The following RHOBTB1 variants were observed in gnomAD, a reference collection of about 807,000 sequenced individuals.
RHOBTB1 encodes the protein Rho related BTB domain containing 1.
Under a neutral mutation model 71.6 loss-of-function variants are expected in RHOBTB1, and 40 were observed. The ratio of observed to expected loss-of-function variants is 0.56; its 90% confidence interval spans 0.43 to 0.73. The LOEUF is 0.73. Ranked by LOEUF, RHOBTB1 falls within the 30% of genes least tolerant of loss-of-function variation. The pLI, the probability that RHOBTB1 is intolerant of heterozygous loss-of-function variation, is 0.00. For synonymous variants in RHOBTB1, 319 were observed against 334.9 expected (o/e 0.95, Z 0.52); for missense variants, 797 against 894.0 (o/e 0.89, Z 1.38).
At chr10:61,001,930 G>A (rs1017348229), upstream of RHOBTB1, among the ~76,000 whole-genome samples, 63 of 152,226 alleles carry the variant, frequency 4.1e-4, no homozygotes, top group African/African-American at 1.5e-3. Context: ...AAAGTTTCTG[G>A]CGATGTCAAG....
intron 2 of RHOBTB1, among the ~76,000 whole-genome samples, chr10:60,950,500 G>T (rs2085374103): frequency 6.6e-6 from 1 of 152,064 alleles, no homozygotes; most frequent in Non-Finnish European, 1.5e-5. Context: ...AAGATTAAAG[G>T]GATCAGAGGG....
rs541293358 is a variant in RHOBTB1 at position 60,937,605 on chromosome 10, C to T, written c.-11+4199G>A. 3.9e-5 allele frequency among the ~76,000 whole-genome samples: 6 copies of T among 152,238 alleles called. No individual in the cohort carries two copies. In the South Asian group the frequency reaches 1.0e-3, roughly 26 times the overall value. ...GCAAGAGAAGCTTGGTATTCGTTTG[C>T]AGCAGAAACTAAGGCAATAAAATAA... On this transcript the variant is annotated intron_variant, in intron 2 of 10. Transcript: ENST00000337910.
At chr10:60,891,096 T>G (rs1272250577) in intron 5 of RHOBTB1, among the ~76,000 whole-genome samples, 1 of 152,156 alleles carries the variant, frequency 6.6e-6, no homozygotes, top group Non-Finnish European at 1.5e-5. Flanking sequence ...AACCTCTACA[T>G]GGCCCCTAAT....
chr10:60,886,026 C>T (rs1380622245), intron 7 of RHOBTB1, 86 bp downstream of exon 7: 18 of 945,134 alleles, frequency 1.9e-5, no homozygotes, highest in South Asian at 2.8e-5. Flanking sequence ...GGATTAAAGT[C>T]ATCTGGCTGT....
At chr10:60,924,518 G>C (rs1368388262) in intron 2 of RHOBTB1, among the ~76,000 whole-genome samples, 1 of 152,158 alleles carries the variant, frequency 6.6e-6, no homozygotes, top group Non-Finnish European at 1.5e-5. Flanking sequence ...GCTAAAGAGA[G>C]AGAGAGAGAG....
intron 2 of RHOBTB1, among the ~76,000 whole-genome samples, chr10:60,977,736 C>A (rs1395571203): frequency 2.0e-5 from 3 of 152,094 alleles, no homozygotes; most frequent in Non-Finnish European, 4.4e-5. Flanking sequence ...TGATTTAATA[C>A]CCTAACTCAG....
chr10:61,001,081 T>C (rs1044480931), intron 1 of RHOBTB1, among the ~76,000 whole-genome samples: 8 of 149,946 alleles, frequency 5.3e-5, no homozygotes, highest in East Asian at 2.0e-4. Flanking sequence ...CGCGCACGCG[T>C]GTGTGTGTGT....
intron 2 of RHOBTB1, among the ~76,000 whole-genome samples, chr10:60,935,789 T>C (rs1364261507): frequency 6.6e-6 from 1 of 152,208 alleles, no homozygotes. Flanking sequence ...CTATTTACTA[T>C]TAACTATATT....
intron 2 of RHOBTB1, among the ~76,000 whole-genome samples, chr10:60,971,604 C>T (rs777525059): frequency 2.0e-5 from 3 of 152,068 alleles, no homozygotes; most frequent in Non-Finnish European, 2.9e-5. Flanking sequence ...AGAAGAAAAC[C>T]TTGACAATAC....
At chr10:60,862,863 C>T in the RHOBTB1 span, among the ~76,000 whole-genome samples, 77 of 125,256 alleles carry the variant, frequency 6.1e-4, no homozygotes, top group South Asian at 2.0e-3. Flanking sequence ...CTCCCTCCCT[C>T]CCTTCCTTCC....
chr10:60,874,704 T>C (rs1335261493), intron 9 of RHOBTB1, among the ~76,000 whole-genome samples: 1 of 152,118 alleles, frequency 6.6e-6, no homozygotes, highest in Non-Finnish European at 1.5e-5. Flanking sequence ...TTCCTACATA[T>C]GAAGCTGGTG....
intron 2 of RHOBTB1, among the ~76,000 whole-genome samples, chr10:60,940,016 A>G (rs2084812596): frequency 6.6e-6 from 1 of 152,114 alleles, no homozygotes; most frequent in Admixed American, 6.5e-5. Flanking sequence ...ACAACTAATC[A>G]TGTTGATGAG....
chr10:60,969,593 A>G (rs1271954038), intron 2 of RHOBTB1, among the ~76,000 whole-genome samples: 1 of 152,072 alleles, frequency 6.6e-6, no homozygotes, highest in Admixed American at 6.6e-5. Flanking sequence ...GAGACAGATT[A>G]TGGCTCAATT....
rs1174103148 is a variant in RHOBTB1, at chr10:60,944,133, T to C, written c.-224A>G. On this transcript the variant is annotated 5_prime_UTR_variant, in exon 1 of 11. The change abolishes an upstream ATG in the 5' untranslated region. Transcript: ENST00000337910. The stretch of plus-strand genomic sequence containing the variant: ...CGCCCAACTTTGCACAAAGGCAGCA[T>C]GGCACTGCCTCGCCCTGCCGCCTCG... The C allele has an allele frequency of 1.3e-5, 2 of 151,794 alleles. No homozygotes were observed. Among genetic ancestry groups the C allele is most frequent in the African/African-American group, 4.8e-5 (2 of 41,350 alleles). The allele number at this position is 151,794 out of a possible 1,614,324, so 9.4% of individuals were successfully genotyped here. A position where few individuals can be genotyped will look rare whatever the true frequency, so the allele number is the denominator to read the frequency against.
chr10:60,899,268 C>T (rs2082298867), intron 4 of RHOBTB1, among the ~76,000 whole-genome samples: 2 of 152,194 alleles, frequency 1.3e-5, no homozygotes, highest in Admixed American at 1.3e-4. Context: ...GCAGGAGGCA[C>T]TGAAGTAAAG....
chr10:60,894,826 T>C (rs1170548994), intron 4 of RHOBTB1, among the ~76,000 whole-genome samples: 3 of 152,236 alleles, frequency 2.0e-5, no homozygotes, highest in East Asian at 1.9e-4. Flanking sequence ...TATTTCCCTA[T>C]TAAGACACAT....
At chr10:60,965,067 A>G (rs2085911050) in intron 2 of RHOBTB1, among the ~76,000 whole-genome samples, 1 of 152,114 alleles carries the variant, frequency 6.6e-6, no homozygotes, top group African/African-American at 2.4e-5. Context: ...TAAGGCATCT[A>G]TTTGTTCAAC....
chr10:60,938,715 GTGT>G (rs1473879178), intron 2 of RHOBTB1, among the ~76,000 whole-genome samples: 2 of 152,146 alleles, frequency 1.3e-5, no homozygotes, highest in African/African-American at 4.8e-5. Flanking sequence ...ATGGTTTAAA[GTGT>G]TGTTTTTTTG....
At chr10:60,996,132 T>C (rs10994604) in intron 1 of RHOBTB1, among the ~76,000 whole-genome samples, 61,716 of 151,930 alleles carry the variant, frequency 0.41, 12,611 homozygotes, top group Admixed American at 0.48. Flanking sequence ...ACCAGGCTGA[T>C]TGACTCTGGA....
Sources: allele counts gnomAD v4.1 joint callset (sites outside exome capture counted in the v4.1 genomes callset), GRCh38; gene constraint gnomAD v4.1.1; transcripts MANE v1.5; gene names NCBI Gene and HGNC (gene_info 2026-07-23, HGNC 2026-07-21).